Variants in TRPS1 observed in about 807,000 individuals in gnomAD.
TRPS1 encodes the protein zinc finger transcription factor Trps1.
TRPS1 carries 6 observed loss-of-function variants against 101.2 expected under a neutral mutation model. That is an observed-to-expected ratio of 0.06 (90% CI 0.03 to 0.12). The LOEUF (loss-of-function observed/expected upper bound fraction) is 0.12, where lower values mean the gene tolerates loss of function less well. Among genes scored for constraint, TRPS1 ranks in the 10% least tolerant of loss-of-function variants. TRPS1 has a pLI of 1.00. For missense variants in TRPS1, 1,363 were observed against 1,567.0 expected, an observed-to-expected ratio of 0.87 and a Z score of 2.20; for synonymous variants, 578 against 589.8, an observed-to-expected ratio of 0.98 and a Z score of 0.29.
intron 5 of TRPS1, among the ~76,000 whole-genome samples, chr8:115,432,218 CT>C (rs1813336872): frequency 4.5e-3 from 1 of 224 alleles, no homozygotes; most frequent in South Asian, 0.25. Context: ...ATCAATGACA[CT>C]TCAAGGACCC....
chr8:115,522,356 T>C (rs1043356469), intron 5 of TRPS1, among the ~76,000 whole-genome samples: 5 of 152,008 alleles, frequency 3.3e-5, no homozygotes, highest in African/African-American at 9.7e-5. Context: ...TAGCTCTCTG[T>C]GTTATAATTC....
In TRPS1 at chr8:115,587,359, T is replaced by C. The variant is rs1274289552; in HGVS notation, c.2342A>G (p.Glu781Gly). ...EPVSESVVKR[E>G]KLEEKDGLKE... is the part of the protein sequence containing the mutation. ...GAGCCCGTCCTTCTCTTCCAGCTTC[T>C]CTCTCTTCACCACACTCTCAGAAAC... Residue 781 changes from glutamate to glycine, a missense_variant, in exon 5 of 7, where the codon GAG becomes GGG. By Grantham distance (98) the Glu-to-Gly change is moderately conservative. Coordinates refer to ENST00000395715, the MANE Select transcript of TRPS1 (RefSeq NM_014112.5). 1 of 1,614,072 alleles carries C rather than the reference T, an allele frequency of 6.2e-7. No individual in the cohort carries two copies. Among genetic ancestry groups the C allele is most frequent in the African/African-American group, 1.3e-5 (1 of 74,924 alleles).
chr8:115,638,539 G>A (rs907923231), intron 1 of TRPS1, among the ~76,000 whole-genome samples: 3 of 152,154 alleles, frequency 2.0e-5, no homozygotes, highest in East Asian at 3.9e-4. Flanking sequence ...CACAGAAAAG[G>A]TGTGGGCAGA....
Position 115,428,570 on chromosome 8 carries a change from G to A in TRPS1, c.2701-10118C>T, listed in dbSNP as rs111906330. Among the ~76,000 whole-genome samples the A allele has an allele frequency of 3.0e-3, 464 of 152,288 alleles. 6 individuals are homozygous for A. The highest frequency in any genetic ancestry group is 2.7e-3 in the Non-Finnish European group (184 of 68,028). ...GGAATACATGAGTTAAATATACAGA[G>A]GTTCAAAACAGTTAAAAGAGTTAAT... On this transcript the variant is annotated intron_variant, in intron 5 of 6. Transcript: ENST00000395715.
intron 1 of TRPS1, among the ~76,000 whole-genome samples, chr8:115,663,519 G>A (rs1323536081): frequency 2.0e-5 from 3 of 151,830 alleles, no homozygotes; most frequent in African/African-American, 7.2e-5. Context: ...AAAATTAAAA[G>A]TTTTTTGTTA....
chr8:115,525,633 T>C (rs1456812478), intron 5 of TRPS1, among the ~76,000 whole-genome samples: 4 of 152,056 alleles, frequency 2.6e-5, no homozygotes, highest in Non-Finnish European at 5.9e-5. Context: ...CTTAGTAGAG[T>C]GAGAGAGTGG....
At chr8:115,581,505 C>T (rs972616222) in intron 5 of TRPS1, among the ~76,000 whole-genome samples, 2 of 151,876 alleles carry the variant, frequency 1.3e-5, no homozygotes, top group Non-Finnish European at 2.9e-5. Context: ...CACTATGTTC[C>T]CCACAATATG....
At chr8:115,475,266 TTA>T (rs33922102) in intron 5 of TRPS1, among the ~76,000 whole-genome samples, 14,459 of 122,094 alleles carry the variant, frequency 0.12, 739 homozygotes, top group Admixed American at 0.15. Flanking sequence ...TGAATCACAG[TTA>T]TATATATATA....
At chr8:115,580,265 T>TGA (rs58001701) in intron 5 of TRPS1, among the ~76,000 whole-genome samples, 2 of 149,210 alleles carry the variant, frequency 1.3e-5, no homozygotes, top group Non-Finnish European at 3.0e-5. Flanking sequence ...TATATATATA[T>TGA]GAGAGACAAT....
intron 4 of TRPS1, among the ~76,000 whole-genome samples, chr8:115,600,122 G>A (rs1020808475): frequency 2.0e-5 from 3 of 152,068 alleles, no homozygotes; most frequent in African/African-American, 7.2e-5. Context: ...TTTATTGGCC[G>A]CATAAATATC....
intron 5 of TRPS1, among the ~76,000 whole-genome samples, chr8:115,583,697 T>C (rs909424892): frequency 4.6e-5 from 7 of 152,142 alleles, no homozygotes; most frequent in Non-Finnish European, 7.4e-5. Flanking sequence ...GAGCAATTTA[T>C]AAGATCAAGT....
At chr8:115,536,818 T>G (rs1586378358) in intron 5 of TRPS1, among the ~76,000 whole-genome samples, 1 of 151,084 alleles carries the variant, frequency 6.6e-6, no homozygotes, top group Non-Finnish European at 1.5e-5. Flanking sequence ...TCCCTCTTAG[T>G]GGTGAGAAAT....
In TRPS1 at chr8:115,414,626, T is replaced by C. The variant is rs1467221427; in HGVS notation, c.3282A>G (p.Ser1094=). 6.2e-7 allele frequency: 1 copy of C among 1,613,950 alleles called. No homozygotes were observed. The highest frequency in any genetic ancestry group is 2.2e-5 in the East Asian group (1 of 44,864). ...ACTTTTCAATAGGGCTGCCTGGTGG[T>C]GAATAATTTGGGTGTTTCGCAGGTC... ...YMRPAKHPNY[S]PPGSPIEKYQ... is the part of the protein sequence containing the mutation. Residue 1094 remains serine (S), a synonymous_variant, in exon 7 of 7, where the codon TCA becomes TCG. Transcript: ENST00000395715. The surrounding 1 kb of genome is among the most constrained non-coding windows in gnomAD (Gnocchi z 4.8).
chr8:115,583,420 C>T (rs969693092), intron 5 of TRPS1, among the ~76,000 whole-genome samples: 2 of 151,966 alleles, frequency 1.3e-5, no homozygotes, highest in Admixed American at 6.6e-5. Context: ...ACATGTTAAC[C>T]TCTTCACAGA....
chr8:115,568,829 A>G (rs2130389287), intron 5 of TRPS1, among the ~76,000 whole-genome samples: 1 of 152,302 alleles, frequency 6.6e-6, no homozygotes, highest in East Asian at 1.9e-4. Context: ...ACAGTATTTC[A>G]GATCAAAATA....
chr8:115,531,310 G>C (rs929268763), intron 5 of TRPS1, among the ~76,000 whole-genome samples: 1 of 152,078 alleles, frequency 6.6e-6, no homozygotes, highest in African/African-American at 2.4e-5. Context: ...AAATTAAATA[G>C]TCAAAGTATT....
In TRPS1 at chr8:115,565,414, G is replaced by A. The variant is rs1001305061; in HGVS notation, c.2700+21587C>T. On this transcript the variant is annotated intron_variant, in intron 5 of 6. Coordinates refer to ENST00000395715, the MANE Select transcript of TRPS1 (RefSeq NM_014112.5). ...GAACATCTGAATGGTTCATATTGCC[G>A]AGAAGACATGAATTAGATAAATGTA... is the stretch of plus-strand genomic sequence containing the variant. Among the ~76,000 whole-genome samples the A allele has an allele frequency of 5.7e-4, 86 of 152,050 alleles. 1 individual carries two copies. Among genetic ancestry groups the A allele is most frequent in the African/African-American group, 1.8e-3 (74 of 41,510 alleles).
chr8:115,533,653 T>TGG (rs946757239), intron 5 of TRPS1, among the ~76,000 whole-genome samples: 6 of 152,064 alleles, frequency 3.9e-5, no homozygotes, highest in African/African-American at 1.4e-4. Flanking sequence ...TGTCTGAACA[T>TGG]GGTGTCTTAG....
chr8:115,571,345 CTTA>C (rs1367402752), intron 5 of TRPS1, among the ~76,000 whole-genome samples: 1 of 152,122 alleles, frequency 6.6e-6, no homozygotes, highest in Non-Finnish European at 1.5e-5. Context: ...TTAATTTGTA[CTTA>C]TTATAACAAA....
Sources: gnomAD v4.1 joint callset for allele counts (sites outside exome capture counted in the v4.1 genomes callset) on GRCh38, gnomAD v4.1.1 for gene constraint, Gnocchi (gnomAD v3.1) non-coding constraint, MANE v1.5 for transcripts, NCBI Gene and HGNC (gene_info 2026-07-23, HGNC 2026-07-21) for gene names.